RSRC1: variants seen among roughly 807,000 people sequenced by gnomAD.
RSRC1 encodes the protein serine/Arginine-related protein 53.
RSRC1 carries 39 observed loss-of-function variants against 49.1 expected under a neutral mutation model. That is an observed-to-expected ratio of 0.79 (90% confidence interval 0.61 to 1.04). The LOEUF is 1.04. Ranked by LOEUF, RSRC1 falls within the 50% of genes least tolerant of loss-of-function variation. The probability of loss-of-function intolerance (pLI) is 0.00; values close to 1 mark genes in which losing one functional copy is unlikely to be tolerated. For synonymous variants in RSRC1, 143 were observed against 130.8 expected, an observed-to-expected ratio of 1.09 and a Z score of -0.63; for missense variants, 388 against 402.4, an observed-to-expected ratio of 0.96 and a Z score of 0.31.
At chr3:158,422,070 T>TTTA (rs57884087) in intron 6 of RSRC1, among the ~76,000 whole-genome samples, 1 of 149,948 alleles carries the variant, frequency 6.7e-6, no homozygotes, top group Non-Finnish European at 1.5e-5. Flanking sequence ...GTTTTTCTTT[T>TTTA]TTATTATTAT....
intron 3 of RSRC1, among the ~76,000 whole-genome samples, chr3:158,135,698 G>C (rs1296969823): frequency 6.6e-6 from 1 of 151,792 alleles, no homozygotes; most frequent in Admixed American, 6.6e-5. Flanking sequence ...TTATTTCAGT[G>C]GTTTAGAATA....
At chr3:158,380,009 C>G (rs770642170) in intron 6 of RSRC1, among the ~76,000 whole-genome samples, 3 of 151,976 alleles carry the variant, frequency 2.0e-5, no homozygotes, top group African/African-American at 7.3e-5. Flanking sequence ...CACCAAGAAC[C>G]TACACATCAT....
chr3:158,280,265 A>G (rs1488133266), intron 4 of RSRC1, among the ~76,000 whole-genome samples: 1 of 152,174 alleles, frequency 6.6e-6, no homozygotes, highest in Non-Finnish European at 1.5e-5. Context: ...GTGGAATAAA[A>G]TGAGAGAAGA....
At chr3:158,332,381 A>G (rs1352726760) in intron 5 of RSRC1, among the ~76,000 whole-genome samples, 2 of 152,102 alleles carry the variant, frequency 1.3e-5, no homozygotes, top group East Asian at 1.9e-4. Context: ...TATTGATTCT[A>G]GGTCTCCTGG....
chr3:158,179,074 T>C (rs1465441349), intron 3 of RSRC1, among the ~76,000 whole-genome samples: 1 of 152,244 alleles, frequency 6.6e-6, no homozygotes, highest in Non-Finnish European at 1.5e-5. Flanking sequence ...AAGTGTACTA[T>C]CTGCAAATAA....
At chr3:158,418,046 C>T (rs1285736282) in intron 6 of RSRC1, among the ~76,000 whole-genome samples, 8 of 151,890 alleles carry the variant, frequency 5.3e-5, no homozygotes, top group Admixed American at 5.3e-4. Context: ...CATGAGACTT[C>T]ATATATGTGA....
chr3:158,515,331 A>C (rs1266091724), intron 7 of RSRC1, among the ~76,000 whole-genome samples: 2 of 142,062 alleles, frequency 1.4e-5, no homozygotes, highest in African/African-American at 5.4e-5. Context: ...TTGTCTGTAA[A>C]GTATTTTATT....
At chr3:158,461,923 T>C (rs903446340) in intron 7 of RSRC1, among the ~76,000 whole-genome samples, 2 of 150,028 alleles carry the variant, frequency 1.3e-5, no homozygotes, top group African/African-American at 4.9e-5. Context: ...ACATGGAAGC[T>C]GAGATTCAGT....
intron 3 of RSRC1, among the ~76,000 whole-genome samples, chr3:158,158,920 CAG>C (rs1460228019): frequency 1.4e-5 from 2 of 139,894 alleles, no homozygotes; most frequent in East Asian, 4.2e-4. Context: ...GCCTTGGCAA[CAG>C]AGTGAGACTC....
At chr3:158,241,998 A>G (rs1352101788) in intron 4 of RSRC1, among the ~76,000 whole-genome samples, 1 of 141,082 alleles carries the variant, frequency 7.1e-6, no homozygotes, top group Admixed American at 7.0e-5. Flanking sequence ...TCATTCACAG[A>G]CATTTTCATT....
intron 3 of RSRC1, among the ~76,000 whole-genome samples, chr3:158,184,579 C>G (rs1048855449): frequency 2.6e-5 from 4 of 152,046 alleles, no homozygotes; most frequent in African/African-American, 9.7e-5. Context: ...AACTTGTTCA[C>G]AGATTCGGAA....
intron 6 of RSRC1, among the ~76,000 whole-genome samples, chr3:158,406,386 G>T (rs1177769272): frequency 6.6e-6 from 1 of 152,004 alleles, no homozygotes; most frequent in East Asian, 1.9e-4. Flanking sequence ...AAATTGAAAA[G>T]AATTTATCTA....
intron 4 of RSRC1, among the ~76,000 whole-genome samples, chr3:158,222,117 G>A (rs1043500571): frequency 2.0e-5 from 3 of 151,532 alleles, no homozygotes; most frequent in Non-Finnish European, 4.4e-5. Context: ...TTTACGATCA[G>A]TTATAATGTT....
chr3:158,416,768 C>T (rs1734756556), intron 6 of RSRC1, among the ~76,000 whole-genome samples: 1 of 151,894 alleles, frequency 6.6e-6, no homozygotes, highest in East Asian at 1.9e-4. Context: ...CAAAGATAAC[C>T]GATAATGTTG....
intron 4 of RSRC1, among the ~76,000 whole-genome samples, chr3:158,269,300 G>A (rs540313783): frequency 3.9e-5 from 6 of 152,066 alleles, no homozygotes; most frequent in Middle Eastern, 3.4e-3. Context: ...TATTTCATTC[G>A]TTTACTTCAT....
intron 3 of RSRC1, among the ~76,000 whole-genome samples, chr3:158,138,013 C>A (rs1235889244): frequency 6.6e-6 from 1 of 152,060 alleles, no homozygotes; most frequent in Non-Finnish European, 1.5e-5. Flanking sequence ...ACTGCAGTGC[C>A]ATTTTAGTGT....
intron 1 of RSRC1, among the ~76,000 whole-genome samples, chr3:158,116,708 A>G (rs1714849125): frequency 7.2e-6 from 1 of 139,264 alleles, no homozygotes; most frequent in African/African-American, 2.8e-5. Context: ...TTAGTGTTAC[A>G]GTGAATATAG....
chr3:158,376,782 CA>C (rs1484307313), intron 6 of RSRC1, among the ~76,000 whole-genome samples: 8 of 152,078 alleles, frequency 5.3e-5, no homozygotes, highest in Non-Finnish European at 1.2e-4. Flanking sequence ...AGTTTAAATA[CA>C]ATCAGCACCT....
At chr3:158,402,999 A>G (rs1454541754) in intron 6 of RSRC1, among the ~76,000 whole-genome samples, 2 of 151,862 alleles carry the variant, frequency 1.3e-5, no homozygotes, top group African/African-American at 4.8e-5. Context: ...AACCTAAAGT[A>G]TCATATTCAC....
Sources: gnomAD v4.1 joint callset for allele counts (sites outside exome capture counted in the v4.1 genomes callset) on GRCh38, gnomAD v4.1.1 for gene constraint, MANE v1.5 for transcripts, NCBI Gene and HGNC (gene_info 2026-07-23, HGNC 2026-07-21) for gene names.